Variants in SMURF2 observed in about 807,000 individuals in gnomAD.
The protein encoded by SMURF2 is E3 ubiquitin-protein ligase SMURF2.
Under a neutral mutation model 109.6 loss-of-function variants are expected in SMURF2, and 48 were observed. That is an observed-to-expected ratio of 0.44 (90% CI 0.35 to 0.56). The LOEUF (loss-of-function observed/expected upper bound fraction) is 0.56. SMURF2 is among the 20% of genes least tolerant of loss of function. SMURF2 has a pLI of 0.01. For synonymous variants in SMURF2, 288 were observed against 317.1 expected (o/e 0.91, Z 0.97); for missense variants, 575 against 909.0 (o/e 0.63, Z 4.72).
At position 64,545,602 on chromosome 17, in the gene SMURF2, G is replaced by C; in HGVS notation, c.*246C>G. On this transcript the variant is annotated 3_prime_UTR_variant, in exon 19 of 19. Coordinates refer to ENST00000262435, the MANE Select transcript of SMURF2 (RefSeq NM_022739.4). ...AAAAGTCAGCATTCTTTAGGTTCAA[G>C]ATATTAAGTTTAAATAGCAGCTGAA... 3.3e-6 allele frequency: 1 copy of C among 305,674 alleles called. No individual in the cohort carries two copies. The highest frequency in any genetic ancestry group is 8.7e-5 in the South Asian group (1 of 11,516). The allele number at this position is 305,674 out of a possible 1,614,324, so 18.9% of individuals were successfully genotyped here. A position where few individuals can be genotyped will look rare whatever the true frequency, so the allele number is the denominator to read the frequency against.
At chr17:64,645,659 A>T (rs1555692925) in intron 1 of SMURF2, among the ~76,000 whole-genome samples, 1 of 152,224 alleles carries the variant, frequency 6.6e-6, no homozygotes, top group African/African-American at 2.4e-5. Context: ...TTTAAATTCA[A>T]GACAGGGTAT....
At chr17:64,634,425 A>T (rs932898128) in intron 1 of SMURF2, among the ~76,000 whole-genome samples, 1 of 152,094 alleles carries the variant, frequency 6.6e-6, no homozygotes, top group Non-Finnish European at 1.5e-5. Context: ...CTTTCCACTG[A>T]CTTTAAACCA....
chr17:64,596,585 C>CAAA (rs201858792), intron 3 of SMURF2, among the ~76,000 whole-genome samples: 2,966 of 45,416 alleles, frequency 0.065, 119 homozygotes, highest in Admixed American at 0.088. Context: ...GGAGAGTAAA[C>CAAA]AAAAAAAAAA....
At chr17:64,595,541 G>C (rs547884760) in intron 3 of SMURF2, among the ~76,000 whole-genome samples, 1 of 152,292 alleles carries the variant, frequency 6.6e-6, no homozygotes, top group South Asian at 2.1e-4. Flanking sequence ...TGTTGAAAGG[G>C]AGAGAGGGAC....
intron 2 of SMURF2, among the ~76,000 whole-genome samples, chr17:64,603,556 G>C (rs569758997): frequency 1.3e-5 from 2 of 150,534 alleles, no homozygotes; most frequent in East Asian, 3.9e-4. Flanking sequence ...CACTCTAGCC[G>C]GGGGACAGAG....
intron 1 of SMURF2, among the ~76,000 whole-genome samples, chr17:64,625,461 A>G (rs782216927): frequency 6.6e-6 from 1 of 152,220 alleles, no homozygotes; most frequent in Non-Finnish European, 1.5e-5. Context: ...AAAAATTGCT[A>G]TGCAGATAAG....
intron 1 of SMURF2, among the ~76,000 whole-genome samples, chr17:64,614,279 GAATT>G (rs1183351025): frequency 3.3e-5 from 5 of 152,144 alleles, no homozygotes; most frequent in African/African-American, 1.2e-4. Context: ...TGAAGTATCT[GAATT>G]AATTCAATTA....
At chr17:64,551,550 T>TA (rs782170262) in intron 16 of SMURF2, 34 bp downstream of exon 16, 9 of 1,600,660 alleles carry the variant, frequency 5.6e-6, no homozygotes, top group Non-Finnish European at 7.7e-6. Context: ...CCTTCCTTGT[T>TA]ACACTAGTGA....
Position 64,662,139 on chromosome 17 carries a change from T to G in SMURF2, c.-259A>C, listed in dbSNP as rs1970792263. 5.7e-5 allele frequency: 58 copies of G among 1,024,622 alleles called. No homozygotes were observed. Among genetic ancestry groups the G allele is most frequent in the Non-Finnish European group, 6.5e-5 (56 of 857,032 alleles). 63.5% of individuals were successfully genotyped at this position (1,024,622 alleles called of 1,614,324 possible). A position where few individuals can be genotyped will look rare whatever the true frequency, so the allele number is the denominator to read the frequency against. On this transcript the variant is annotated 5_prime_UTR_variant, in exon 1 of 19. Coordinates refer to ENST00000262435, the MANE Select transcript of SMURF2 (RefSeq NM_022739.4). ...GGCAGCCGCGGCCGCCCGCGCCGCC[T>G]CCGCCCGCGCCCCCGCCGCCTCCTC... is the stretch of plus-strand genomic sequence containing the variant.
At chr17:64,612,717 T>G (rs1363213970) in intron 1 of SMURF2, among the ~76,000 whole-genome samples, 5 of 151,988 alleles carry the variant, frequency 3.3e-5, no homozygotes, top group Non-Finnish European at 7.4e-5. Flanking sequence ...ATCATTTCTC[T>G]TTACTTAAAA....
chr17:64,578,420 C>T, intron 9 of SMURF2, 72 bp downstream of exon 9: 2 of 1,032,034 alleles, frequency 1.9e-6, no homozygotes, highest in Admixed American at 2.3e-5. Flanking sequence ...GTAAAAATTT[C>T]TTAAAAATCA....
intron 3 of SMURF2, among the ~76,000 whole-genome samples, chr17:64,595,744 A>G: frequency 7.4e-6 from 1 of 134,736 alleles, no homozygotes; most frequent in South Asian, 2.1e-4. Flanking sequence ...ATAAAACCTA[A>G]TAAGTACAAG....
At chr17:64,587,222 C>G (rs1969676842) in intron 5 of SMURF2, among the ~76,000 whole-genome samples, 4 of 151,954 alleles carry the variant, frequency 2.6e-5, no homozygotes, top group Admixed American at 2.6e-4. Flanking sequence ...TGTATTCTAG[C>G]AAGAGGGCCA....
chr17:64,548,532 C>CA (rs1555683343), intron 16 of SMURF2, among the ~76,000 whole-genome samples: 1 of 152,086 alleles, frequency 6.6e-6, no homozygotes, highest in Non-Finnish European at 1.5e-5. Flanking sequence ...GGATTACAGG[C>CA]ATGCACCACA....
At chr17:64,610,603 G>C (rs1297829555) in intron 1 of SMURF2, among the ~76,000 whole-genome samples, 1 of 152,298 alleles carries the variant, frequency 6.6e-6, no homozygotes, top group South Asian at 2.1e-4. Context: ...ACTGGGGCCT[G>C]TTGGCGGGTT....
chr17:64,601,879 T>C (rs1191955525), intron 2 of SMURF2, among the ~76,000 whole-genome samples: 2 of 148,326 alleles, frequency 1.3e-5, no homozygotes, highest in African/African-American at 4.9e-5. Flanking sequence ...TATATGTTTA[T>C]ATTATATAAT....
At chr17:64,600,710 T>A (rs1295003211) in intron 2 of SMURF2, among the ~76,000 whole-genome samples, 1 of 152,192 alleles carries the variant, frequency 6.6e-6, no homozygotes, top group East Asian at 1.9e-4. Flanking sequence ...TAACCATTTA[T>A]AAATGTGTTC....
At chr17:64,558,399 A>G (rs1969156514) in intron 12 of SMURF2, among the ~76,000 whole-genome samples, 1 of 145,388 alleles carries the variant, frequency 6.9e-6, no homozygotes, top group Admixed American at 6.9e-5. Flanking sequence ...TGTCTCAAAG[A>G]AAAAAAAAAA....
chr17:64,579,062 A>C (rs1969540430), intron 8 of SMURF2, among the ~76,000 whole-genome samples: 1 of 152,234 alleles, frequency 6.6e-6, no homozygotes, highest in African/African-American at 2.4e-5. Context: ...TTTGAGCTCA[A>C]AGAGAAGCAA....
Sources: allele counts gnomAD v4.1 joint callset (sites outside exome capture counted in the v4.1 genomes callset), GRCh38; gene constraint gnomAD v4.1.1; transcripts MANE v1.5; gene names NCBI Gene and HGNC (gene_info 2026-07-23, HGNC 2026-07-21).